The following SH3BGRL variants were observed in gnomAD, a reference collection of about 807,000 sequenced individuals.
SH3BGRL encodes adapter SH3BGRL.
A neutral mutation model predicts 9.8 loss-of-function variants in SH3BGRL; 7 were observed. The observed-to-expected ratio is 0.72, with a 90% CI of 0.41 to 1.35. The LOEUF (loss-of-function observed/expected upper bound fraction) is 1.35, where lower values mean the gene tolerates loss of function less well. Among genes scored for constraint, SH3BGRL ranks in the 40% most tolerant of loss-of-function variants. SH3BGRL has a pLI of 0.01. For missense variants in SH3BGRL, 73 were observed against 84.4 expected (o/e 0.86, Z 0.53); for synonymous variants, 36 against 29.1 (o/e 1.24, Z -0.76).
rs145323650 is a variant in SH3BGRL at position 81,258,969 on chromosome X, A to G, written c.46-18015A>G. 4.8e-3 allele frequency among the ~76,000 whole-genome samples: 542 copies of G among 112,730 alleles called. 4 individuals carry two copies. Among genetic ancestry groups the G allele is most frequent in the African/African-American group, 0.017 (522 of 31,122 alleles). ...AGAAAAGTAAAAAGAAAAAAAGCTA[A>G]TGTTATACACAGTAGACTGGCTCAT... On this transcript the variant is annotated intron_variant, in intron 1 of 3. Coordinates refer to ENST00000373212, the MANE Select transcript of SH3BGRL (RefSeq NM_003022.3).
At chrX:81,231,586 C>T (rs1341355136) in intron 1 of SH3BGRL, among the ~76,000 whole-genome samples, 1 of 112,114 alleles carries the variant, frequency 8.9e-6, no homozygotes, top group East Asian at 2.8e-4. Flanking sequence ...CAGTTTGTTG[C>T]TGTATGTAGC....
chrX:81,222,560 T>C (rs1408273468), intron 1 of SH3BGRL, among the ~76,000 whole-genome samples: 2 of 110,986 alleles, frequency 1.8e-5, no homozygotes, highest in Non-Finnish European at 3.8e-5. Flanking sequence ...ATTTTCTTAA[T>C]CCAGTCTATC....
At chrX:81,255,238 C>T (rs935992125) in intron 1 of SH3BGRL, among the ~76,000 whole-genome samples, 1 of 111,457 alleles carries the variant, frequency 9.0e-6, no homozygotes, top group Non-Finnish European at 1.9e-5. Flanking sequence ...TTGTGGAAGG[C>T]CATTTACACT....
intron 1 of SH3BGRL, among the ~76,000 whole-genome samples, chrX:81,257,422 C>T (rs1323672676): frequency 8.9e-6 from 1 of 111,793 alleles, no homozygotes; most frequent in African/African-American, 3.3e-5. Context: ...TATTACATCA[C>T]AGTGCCTATG....
intron 1 of SH3BGRL, among the ~76,000 whole-genome samples, chrX:81,226,553 A>T (rs1322625631): frequency 4.0e-5 from 4 of 100,393 alleles, no homozygotes; most frequent in Non-Finnish European, 6.1e-5. Flanking sequence ...TATATATATA[A>T]TTTTTGTTAT....
intron 1 of SH3BGRL, among the ~76,000 whole-genome samples, chrX:81,225,547 A>G (rs1184863196): frequency 9.0e-6 from 1 of 111,440 alleles, no homozygotes; most frequent in Non-Finnish European, 1.9e-5. Flanking sequence ...ACTTAGGATA[A>G]TGGGAAATTG....
chrX:81,249,184 A>G (rs1424648776), intron 1 of SH3BGRL, among the ~76,000 whole-genome samples: 1 of 112,663 alleles, frequency 8.9e-6, no homozygotes. Context: ...CACCTAGAAC[A>G]AGTGTCAAGA....
chrX:81,223,655 A>G (rs999490183), intron 1 of SH3BGRL, among the ~76,000 whole-genome samples: 2 of 111,040 alleles, frequency 1.8e-5, no homozygotes, highest in Non-Finnish European at 3.8e-5. Flanking sequence ...TCCTATATGA[A>G]ACTCAAGACA....
chrX:81,230,760 T>C (rs1262715689), intron 1 of SH3BGRL, among the ~76,000 whole-genome samples: 1 of 111,799 alleles, frequency 8.9e-6, no homozygotes, highest in Admixed American at 9.5e-5. Context: ...TTTTCGTCCA[T>C]ATAACATTCC....
chrX:81,278,675 G>A lies in SH3BGRL; in HGVS notation c.312+264G>A, dbSNP rs779492981. 4.5e-5 allele frequency among the ~76,000 whole-genome samples: 5 copies of A among 112,011 alleles called. No homozygotes were observed. In the South Asian group the frequency reaches 1.9e-3, roughly 42 times the overall value. ...GGGAGCAAATTTCTCATTGACCTAT[G>A]CACAGATAAGTGCTTAGCAATTTTA... On this transcript the variant is annotated intron_variant, in intron 3 of 3. Coordinates refer to ENST00000373212, the MANE Select transcript of SH3BGRL (RefSeq NM_003022.3).
chrX:81,278,526 A>G, intron 3 of SH3BGRL, 115 bp downstream of exon 3: 1 of 481,190 alleles, frequency 2.1e-6, no homozygotes, highest in Non-Finnish European at 3.4e-6. Flanking sequence ...ACAATCCTTT[A>G]TAGCAAAAAG....
In SH3BGRL at chrX:81,298,117, G is replaced by C. The variant is rs1569373747; in HGVS notation, c.*890G>C. On this transcript the variant is annotated 3_prime_UTR_variant, in exon 4 of 4. Coordinates refer to ENST00000373212, the MANE Select transcript of SH3BGRL (RefSeq NM_003022.3). Reference sequence around the variant, plus strand: ...TGCTAAAACAAATCTTAGTAGTTTTGCCCGTTTAAAACAACTCACAATCGT... The same window carrying C: ...TGCTAAAACAAATCTTAGTAGTTTTCCCCGTTTAAAACAACTCACAATCGT... 1 of 111,500 alleles carries C rather than the reference G, an allele frequency of 9.0e-6. No individual in the cohort carries two copies. Among genetic ancestry groups the C allele is most frequent in the Non-Finnish European group, 1.9e-5 (1 of 52,808 alleles). The allele number at this position is 111,500 out of a possible 1,213,427, so 9.2% of individuals were successfully genotyped here.
chrX:81,213,363 T>A (rs775187691), intron 1 of SH3BGRL, among the ~76,000 whole-genome samples: 1 of 112,640 alleles, frequency 8.9e-6, no homozygotes, highest in Non-Finnish European at 1.9e-5. Flanking sequence ...TTTGTGTATG[T>A]TTTAGTAAAA....
At chrX:81,268,409 G>A (rs769781414) in intron 1 of SH3BGRL, among the ~76,000 whole-genome samples, 36 of 111,615 alleles carry the variant, frequency 3.2e-4, no homozygotes, top group Admixed American at 2.2e-3. Flanking sequence ...CAGAGATTCC[G>A]GTACATTGTA....
At chrX:81,213,876 G>A (rs991087699) in intron 1 of SH3BGRL, among the ~76,000 whole-genome samples, 3 of 112,147 alleles carry the variant, frequency 2.7e-5, no homozygotes, top group African/African-American at 9.7e-5. Context: ...ATGGAAACGT[G>A]TGACTAGAGT....
intron 1 of SH3BGRL, among the ~76,000 whole-genome samples, chrX:81,251,389 A>G (rs1358997250): frequency 9.0e-6 from 1 of 110,580 alleles, no homozygotes; most frequent in Non-Finnish European, 1.9e-5. Context: ...TTTTAGGATG[A>G]AAAATTTCCT....
rs560109287 is a variant in SH3BGRL at position 81,269,274 on chromosome X, T to G, written c.46-7710T>G. Among the ~76,000 whole-genome samples, 390 of 111,470 alleles carry G rather than the reference T, an allele frequency of 3.5e-3. 1 individual carries two copies. Among genetic ancestry groups the G allele is most frequent in the African/African-American group, 0.012 (363 of 30,665 alleles). The stretch of plus-strand genomic sequence containing the variant: ...TCCTGTCATTATGATGTTAGCTGGT[T>G]ATTTCGCCTGTTAATTGATGCAGTT... On this transcript the variant is annotated intron_variant, in intron 1 of 3. Coordinates refer to ENST00000373212, the MANE Select transcript of SH3BGRL (RefSeq NM_003022.3).
intron 1 of SH3BGRL, among the ~76,000 whole-genome samples, chrX:81,209,005 T>G (rs999041542): frequency 5.4e-5 from 5 of 93,003 alleles, no homozygotes; most frequent in African/African-American, 2.0e-4. Context: ...TAACTAAGTT[T>G]TTTTTTTTTT....
At position 81,288,539 on chromosome X, in the gene SH3BGRL, TA is replaced by T. The variant is rs776073532; in HGVS notation, c.313-8653del. Among the ~76,000 whole-genome samples the T allele has an allele frequency of 5.3e-5, 6 of 112,310 alleles. No homozygotes were observed. In the South Asian group the frequency reaches 2.2e-3, roughly 40 times the overall value. On this transcript the variant is annotated intron_variant, in intron 3 of 3. Coordinates refer to ENST00000373212, the MANE Select transcript of SH3BGRL (RefSeq NM_003022.3). ...ATATAATGTTGAATTCAAAGAGTTT[TA>T]AAGACTTCACCAAAAAACCATTAGG...
Sources: allele counts gnomAD v4.1 joint callset (sites outside exome capture counted in the v4.1 genomes callset), GRCh38; gene constraint gnomAD v4.1.1; transcripts MANE v1.5; gene names NCBI Gene and HGNC (gene_info 2026-07-23, HGNC 2026-07-21).